Variants in RPS6KA2 observed in about 807,000 individuals in gnomAD.
RPS6KA2 encodes the protein ribosomal protein S6 kinase A2, also known as ribosomal protein S6 kinase alpha-2.
Under a neutral mutation model 91.8 loss-of-function variants are expected in RPS6KA2, and 42 were observed. That is an observed-to-expected ratio of 0.46 (90% CI 0.36 to 0.59). The LOEUF is 0.59. Ranked by LOEUF, RPS6KA2 falls within the 20% of genes least tolerant of loss-of-function variation. RPS6KA2 has a pLI of 0.00. For synonymous variants in RPS6KA2, 414 were observed against 393.6 expected, an observed-to-expected ratio of 1.05 and a Z score of -0.61; for missense variants, 798 against 978.5, an observed-to-expected ratio of 0.82 and a Z score of 2.46.
chr6:166,697,906 C>T (rs1432424695), intron 2 of RPS6KA2, among the ~76,000 whole-genome samples: 1 of 152,160 alleles, frequency 6.6e-6, no homozygotes, highest in African/African-American at 2.4e-5. Flanking sequence ...CAGGATCTGG[C>T]ACGGGGAGGA....
intron 2 of RPS6KA2, among the ~76,000 whole-genome samples, chr6:166,643,346 T>A (rs1787505305): frequency 6.6e-6 from 1 of 152,134 alleles, no homozygotes; most frequent in Non-Finnish European, 1.5e-5. Flanking sequence ...AAAACATATA[T>A]AACAAGATAC....
At chr6:166,580,835 T>G (rs566736661) in intron 1 of RPS6KA2, among the ~76,000 whole-genome samples, 1 of 152,304 alleles carries the variant, frequency 6.6e-6, no homozygotes, top group African/African-American at 2.4e-5. Flanking sequence ...CTTTAAGTGG[T>G]TAAAGACACA....
chr6:166,793,999 C>T (rs1419685217), intron 2 of RPS6KA2, among the ~76,000 whole-genome samples: 6 of 141,454 alleles, frequency 4.2e-5, no homozygotes, highest in South Asian at 2.6e-4. Context: ...ACAAAATTGA[C>T]AAATGGGATC....
At chr6:166,855,150 G>C (rs1021772623) in intron 2 of RPS6KA2, among the ~76,000 whole-genome samples, 1 of 152,144 alleles carries the variant, frequency 6.6e-6, no homozygotes, top group African/African-American at 2.4e-5. Flanking sequence ...GAACATAGAG[G>C]GGGAAGAGTA....
rs1377947712 is a variant in RPS6KA2 at position 166,563,899 on chromosome 6, TC to T, written c.100-25116del. Among the ~76,000 whole-genome samples the T allele has an allele frequency of 6.6e-6, 1 of 152,202 alleles. No homozygotes were observed. The highest frequency in any genetic ancestry group is 1.5e-5 in the Non-Finnish European group (1 of 68,030). On this transcript the variant is annotated intron_variant, in intron 1 of 20. Coordinates refer to ENST00000265678, the MANE Select transcript of RPS6KA2 (RefSeq NM_021135.6). The surrounding 1 kb of genome is among the most constrained non-coding windows in gnomAD (Gnocchi z 4.1). ...TTACCTATTTGTAAATTACGGGCTT[TC>T]AACACGCAGCTGGACGTGGCAGGAA...
At chr6:166,438,699 A>G (rs9459673) in intron 14 of RPS6KA2, among the ~76,000 whole-genome samples, 6,839 of 152,278 alleles carry the variant, frequency 0.045, 528 homozygotes, top group African/African-American at 0.16. Flanking sequence ...AGGCACGTAT[A>G]TTGGTACCAT....
chr6:166,844,604 G>T (rs187874133), intron 2 of RPS6KA2, among the ~76,000 whole-genome samples: 2 of 152,156 alleles, frequency 1.3e-5, no homozygotes, highest in African/African-American at 4.8e-5. Context: ...AGAAGGGATC[G>T]GGGTCCTATG....
Position 166,435,799 on chromosome 6 carries a change from A to T in RPS6KA2, c.1333-3309T>A, listed in dbSNP as rs1177413518. Among the ~76,000 whole-genome samples, 1 of 152,224 alleles carries T rather than the reference A, an allele frequency of 6.6e-6. No individual in the cohort carries two copies. The highest frequency in any genetic ancestry group is 1.5e-5 in the Non-Finnish European group (1 of 68,042). ...GGCCATGTCACTTGCTGGTACTTGA[A>T]TGTGGGTGTCTGCAGGCTCAGCTCC... On this transcript the variant is annotated intron_variant, in intron 14 of 20. Coordinates refer to ENST00000265678, the MANE Select transcript of RPS6KA2 (RefSeq NM_021135.6). This position sits in a 1 kb window ranked among gnomAD's most constrained non-coding sequence, Gnocchi z 4.3.
chr6:166,762,202 G>C (rs1778191960), intron 2 of RPS6KA2, among the ~76,000 whole-genome samples: 2 of 152,158 alleles, frequency 1.3e-5, no homozygotes, highest in African/African-American at 4.8e-5. Flanking sequence ...TAGGACAGTG[G>C]TGTCCCTGCG....
At chr6:166,853,461 C>T (rs929725047) in intron 2 of RPS6KA2, among the ~76,000 whole-genome samples, 2 of 152,188 alleles carry the variant, frequency 1.3e-5, no homozygotes, top group Non-Finnish European at 2.9e-5. Context: ...GCCTCTGTGC[C>T]GTGGAAGTGG....
At chr6:166,796,852 G>A (rs1006942106) in intron 2 of RPS6KA2, among the ~76,000 whole-genome samples, 14 of 151,498 alleles carry the variant, frequency 9.2e-5, no homozygotes, top group Admixed American at 6.6e-4. Context: ...CGAGTCACTC[G>A]CAACTGCACA....
At chr6:166,469,420 C>T (rs915745284) in intron 11 of RPS6KA2, among the ~76,000 whole-genome samples, 1 of 151,314 alleles carries the variant, frequency 6.6e-6, no homozygotes, top group East Asian at 1.9e-4. Flanking sequence ...TGCCCATAGC[C>T]CTAGCACTAA....
intron 10 of RPS6KA2, among the ~76,000 whole-genome samples, chr6:166,481,375 C>G (rs79816752): frequency 0.014 from 2,072 of 152,362 alleles, 47 homozygotes; most frequent in African/African-American, 0.047. Context: ...AAAAAGGATA[C>G]TGATGTCTGA....
intron 10 of RPS6KA2, among the ~76,000 whole-genome samples, chr6:166,475,292 C>A (rs191952251): frequency 8.6e-4 from 131 of 152,306 alleles, no homozygotes; most frequent in Middle Eastern, 3.4e-3. Context: ...TCGGCTGCAC[C>A]CTTGAGAGCC....
At chr6:166,796,692 A>G (rs1779233995) in intron 2 of RPS6KA2, among the ~76,000 whole-genome samples, 1 of 152,232 alleles carries the variant, frequency 6.6e-6, no homozygotes, top group Non-Finnish European at 1.5e-5. Flanking sequence ...AGTTGGTTCT[A>G]CAGACCCATA....
chr6:166,444,434 C>T (rs1271217032), intron 14 of RPS6KA2, among the ~76,000 whole-genome samples: 1 of 152,210 alleles, frequency 6.6e-6, no homozygotes, highest in Non-Finnish European at 1.5e-5. Context: ...CATTAGATTA[C>T]TTAGCTGTTT....
chr6:166,839,686 A>AG (rs1554262082), intron 2 of RPS6KA2, among the ~76,000 whole-genome samples: 1 of 54,364 alleles, frequency 1.8e-5, no homozygotes, highest in African/African-American at 8.2e-5. Flanking sequence ...AGAGCAGGAG[A>AG]GGAGAGGGGA....
intron 2 of RPS6KA2, among the ~76,000 whole-genome samples, chr6:166,750,481 C>T (rs1791244917): frequency 6.6e-6 from 1 of 152,252 alleles, no homozygotes; most frequent in African/African-American, 2.4e-5. Context: ...TTGTCAATCC[C>T]CAGACATCCC....
chr6:166,569,094 A>C (rs1163138363), intron 1 of RPS6KA2, among the ~76,000 whole-genome samples: 1 of 152,262 alleles, frequency 6.6e-6, no homozygotes, highest in Non-Finnish European at 1.5e-5. Context: ...TCTGTAAGTA[A>C]AAAAATGCAA....
Sources: gnomAD v4.1 joint callset for allele counts (sites outside exome capture counted in the v4.1 genomes callset) on GRCh38, gnomAD v4.1.1 for gene constraint, Gnocchi (gnomAD v3.1) non-coding constraint, MANE v1.5 for transcripts, NCBI Gene and HGNC (gene_info 2026-07-23, HGNC 2026-07-21) for gene names.